The following DOCK8 variants were observed in gnomAD, a reference collection of about 807,000 sequenced individuals.
The protein encoded by DOCK8 is dedicator of cytokinesis 8.
DOCK8 carries 141 observed loss-of-function variants against 245.6 expected under a neutral mutation model. The observed-to-expected ratio is 0.57, with a 90% CI of 0.50 to 0.66. The LOEUF is 0.66. DOCK8 is among the 30% of genes least tolerant of loss of function. DOCK8 has a pLI of 0.00. For missense variants in DOCK8, 2,965 were observed against 2,603.4 expected (o/e 1.14, Z -3.02); for synonymous variants, 1,168 against 970.2 (o/e 1.20, Z -3.79).
chr9:392,456 C>T (rs1486913463), intron 24 of DOCK8, among the ~76,000 whole-genome samples: 1 of 152,168 alleles, frequency 6.6e-6, no homozygotes, highest in African/African-American at 2.4e-5. Context: ...CACAGAACCA[C>T]CTGGAGGTGC....
intron 2 of DOCK8, among the ~76,000 whole-genome samples, chr9:283,219 C>T (rs942234101): frequency 3.9e-5 from 6 of 152,162 alleles, no homozygotes; most frequent in Non-Finnish European, 5.9e-5. Flanking sequence ...TCTCTAGCCT[C>T]GCTTTCTTCA....
intron 7 of DOCK8, among the ~76,000 whole-genome samples, chr9:324,798 G>A (rs774027978): frequency 1.3e-5 from 2 of 152,150 alleles, no homozygotes; most frequent in Non-Finnish European, 2.9e-5. Context: ...CCATTCCTTA[G>A]AATTGAATAA....
chr9:347,439 G>A (rs1029069617), intron 14 of DOCK8, among the ~76,000 whole-genome samples: 3 of 152,160 alleles, frequency 2.0e-5, no homozygotes, highest in African/African-American at 4.8e-5. Context: ...CAGGAAGGTC[G>A]AGGCTACAGT....
At chr9:262,049 C>T (rs565990643) in intron 1 of DOCK8, among the ~76,000 whole-genome samples, 2 of 134,818 alleles carry the variant, frequency 1.5e-5, no homozygotes, top group Admixed American at 7.3e-5. Context: ...CCGCGATTTA[C>T]CTATGTTACA....
At chr9:443,600 C>A in intron 43 of DOCK8, 84 bp downstream of exon 43, 1 of 1,107,482 alleles carries the variant, frequency 9.0e-7, no homozygotes, top group Non-Finnish European at 1.4e-6. Context: ...TCTCATCTAT[C>A]TGGACTCTCC....
At chr9:406,833 C>G in intron 27 of DOCK8, 97 bp from the exon 28 acceptor site, 5 of 1,551,432 alleles carry the variant, frequency 3.2e-6, no homozygotes, top group South Asian at 1.1e-5. Flanking sequence ...GGAGGGCTCA[C>G]GAAGCCTGGC....
intron 14 of DOCK8, among the ~76,000 whole-genome samples, chr9:356,497 TC>T (rs1385696902): frequency 1.4e-5 from 2 of 145,154 alleles, no homozygotes; most frequent in Non-Finnish European, 3.0e-5. Context: ...ACCACTGCAC[TC>T]CAGCCTGGGC....
At chr9:446,644 G>T in intron 44 of DOCK8, 38 bp downstream of exon 44, 1 of 1,600,574 alleles carries the variant, frequency 6.2e-7, no homozygotes, top group African/African-American at 1.3e-5. Context: ...CTGGATGAGT[G>T]GGCTGGGTGG....
At chr9:449,752 G>A in intron 44 of DOCK8, 32 bp from the exon 45 acceptor site, 4 of 1,612,154 alleles carry the variant, frequency 2.5e-6, no homozygotes, top group Non-Finnish European at 3.4e-6. Context: ...AGACCAGACA[G>A]TGACTTCCCT....
intron 7 of DOCK8, among the ~76,000 whole-genome samples, chr9:323,630 C>G (rs920582545): frequency 6.6e-6 from 1 of 152,190 alleles, no homozygotes; most frequent in African/African-American, 2.4e-5. Context: ...TCTTCCCAAA[C>G]TGAAACTCTG....
intron 29 of DOCK8, among the ~76,000 whole-genome samples, chr9:415,703 C>CACACAG (rs916467564): frequency 2.6e-5 from 4 of 152,142 alleles, no homozygotes; most frequent in Non-Finnish European, 4.4e-5. Flanking sequence ...CACACACACA[C>CACACAG]ACACACAATT....
At chr9:340,797 A>G (rs1036673747) in intron 14 of DOCK8, among the ~76,000 whole-genome samples, 1 of 152,206 alleles carries the variant, frequency 6.6e-6, no homozygotes, top group African/African-American at 2.4e-5. Flanking sequence ...CTTTCTAAAC[A>G]TAGTTTACCT....
chr9:429,860 A>G lies in DOCK8; in HGVS notation c.4626+6A>G. On this transcript the variant is annotated splice_donor_region_variant and intron_variant, in intron 36 of 47. Transcript: ENST00000432829. ...TCAGTTTTGGAGCCACCAGTGTAAGAGTTCAAACCAGCTGAGTGACCTGGA... is the reference window on the plus strand; with the variant it reads ...TCAGTTTTGGAGCCACCAGTGTAAGGGTTCAAACCAGCTGAGTGACCTGGA... The G allele has an allele frequency of 6.2e-7, 1 of 1,614,022 alleles. No homozygotes were observed. The highest frequency in any genetic ancestry group is 1.7e-5 in the Admixed American group (1 of 59,994).
intron 1 of DOCK8, among the ~76,000 whole-genome samples, chr9:263,121 C>T (rs185977215): frequency 3.3e-5 from 5 of 152,022 alleles, no homozygotes; most frequent in Admixed American, 3.3e-4. Flanking sequence ...GCTGGAGAAT[C>T]GCTTAAACTG....
chr9:336,752 T>C (rs2130897295), intron 12 of DOCK8, 34 bp downstream of exon 12: 1 of 1,613,604 alleles, frequency 6.2e-7, no homozygotes, highest in Non-Finnish European at 8.5e-7. Flanking sequence ...TCTGGATTTT[T>C]CCCCATACTG....
intron 1 of DOCK8, among the ~76,000 whole-genome samples, chr9:256,969 T>C (rs2047791169): frequency 1.3e-5 from 2 of 152,196 alleles, no homozygotes; most frequent in African/African-American, 2.4e-5. Flanking sequence ...TTCTACAACT[T>C]TCCTGAGCCT....
At chr9:357,332 C>G (rs1406481028) in intron 14 of DOCK8, among the ~76,000 whole-genome samples, 2 of 152,168 alleles carry the variant, frequency 1.3e-5, no homozygotes, top group Non-Finnish European at 2.9e-5. Context: ...TGTATAAAAT[C>G]ACCATATCTC....
chr9:410,335 T>C (rs1446563849), intron 28 of DOCK8, among the ~76,000 whole-genome samples: 1 of 152,212 alleles, frequency 6.6e-6, no homozygotes, highest in Non-Finnish European at 1.5e-5. Flanking sequence ...AATTTCATAG[T>C]CTTTTGCTGA....
At position 370,287 on chromosome 9, in the gene DOCK8, A is replaced by G; in HGVS notation, c.1855A>G (p.Thr619Ala). The G allele has an allele frequency of 6.2e-7, 1 of 1,614,024 alleles. No homozygotes were observed. The highest frequency in any genetic ancestry group is 8.5e-7 in the Non-Finnish European group (1 of 1,179,826). Residue 619 changes from threonine to alanine, a missense_variant, in exon 16 of 48, where the codon ACA (threonine) becomes GCA (alanine). By Grantham distance (58) the Thr-to-Ala change is moderately conservative (BLOSUM62 0). Transcript: ENST00000432829. ...EFLQEVYTAV[T>A]YHNKSPDFYE... is the part of the protein sequence containing the mutation. ...TCTGCAGGAAGTGTACACAGCTGTT[A>G]CATACCATAATAAGTAAGTCTATTT... is the stretch of plus-strand genomic sequence containing the variant.
Sources: gnomAD v4.1 joint callset for allele counts (sites outside exome capture counted in the v4.1 genomes callset) on GRCh38, gnomAD v4.1.1 for gene constraint, MANE v1.5 for transcripts, NCBI Gene and HGNC (gene_info 2026-07-23, HGNC 2026-07-21) for gene names.